GYPB: variants seen among roughly 807,000 people sequenced by gnomAD.
GYPB encodes the protein glycophorin B (MNS blood group).
A neutral mutation model predicts 15.3 loss-of-function variants in GYPB; 13 were observed. The ratio of observed to expected loss-of-function variants is 0.85; its 90% CI spans 0.55 to 1.35. GYPB has a LOEUF of 1.35. Among genes scored for constraint, GYPB ranks in the 40% most tolerant of loss-of-function variants. The pLI, the probability that GYPB is intolerant of heterozygous loss-of-function variation, is 0.00. For missense variants in GYPB, 131 were observed against 108.3 expected (o/e 1.21, Z -0.93); for synonymous variants, 38 against 36.9 (o/e 1.03, Z -0.11).
intron 1 of GYPB, among the ~76,000 whole-genome samples, chr4:144,013,723 A>T (rs1318014178): frequency 1.4e-5 from 2 of 143,520 alleles, no homozygotes; most frequent in Non-Finnish European, 3.0e-5. Context: ...GAACAATGAG[A>T]TCACATGGAC....
chr4:144,002,704 A>C (rs576595771), intron 1 of GYPB: 4 of 1,286,428 alleles, frequency 3.1e-6, no homozygotes, highest in East Asian at 1.1e-4. Flanking sequence ...CCTGGAGAGC[A>C]CACAAATAAC....
intron 1 of GYPB, among the ~76,000 whole-genome samples, chr4:144,011,465 A>G (rs1343424793): frequency 3.3e-5 from 5 of 151,228 alleles, no homozygotes; most frequent in African/African-American, 1.2e-4. Context: ...AAAAGACATT[A>G]CAAACAGTGA....
At chr4:143,998,473 C>T (rs1560703804) in intron 3 of GYPB, among the ~76,000 whole-genome samples, 1 of 150,216 alleles carries the variant, frequency 6.7e-6, no homozygotes, top group Non-Finnish European at 1.5e-5. Flanking sequence ...TTCTTGACCA[C>T]TTAGCTTGAA....
At chr4:144,002,606 A>G in intron 1 of GYPB, 1 of 1,287,136 alleles carries the variant, frequency 7.8e-7, no homozygotes, top group South Asian at 1.2e-5. Context: ...AAATGAGGGG[A>G]ATGGCACCCA....
intron 1 of GYPB, among the ~76,000 whole-genome samples, chr4:144,001,520 A>G (rs1327945104): frequency 6.6e-6 from 1 of 151,466 alleles, no homozygotes; most frequent in Non-Finnish European, 1.5e-5. Context: ...AGAGGTTTAC[A>G]GATAAAGTGT....
intron 1 of GYPB, among the ~76,000 whole-genome samples, chr4:144,017,772 A>C (rs1364879250): frequency 1.3e-5 from 2 of 151,466 alleles, no homozygotes; most frequent in Non-Finnish European, 2.9e-5. Flanking sequence ...CCATGGAGCA[A>C]CACAAAGAAT....
In GYPB at chr4:144,002,488, C is replaced by G. The variant is rs1727676841; in HGVS notation, c.38-1205G>C. On this transcript the variant is annotated intron_variant, in intron 1 of 4. Transcript: ENST00000502664. Reference sequence around the variant, plus strand: ...GTGGTTTATATTTCAGTCTCCTATTCTGTGCATTCATGTGTTTTTCACTCT... The same window carrying G: ...GTGGTTTATATTTCAGTCTCCTATTGTGTGCATTCATGTGTTTTTCACTCT... 8.6e-6 allele frequency: 6 copies of G among 695,984 alleles called. 1 individual carries two copies. The South Asian group carries it at 9.4e-5, about 11-fold the overall frequency. The allele number at this position is 695,984 out of a possible 1,614,324, so 43.1% of individuals were successfully genotyped here.
chr4:144,004,988 C>A (rs1727825053), intron 1 of GYPB, among the ~76,000 whole-genome samples: 1 of 151,906 alleles, frequency 6.6e-6, no homozygotes, highest in Admixed American at 6.5e-5. Flanking sequence ...TGCTTAGGGA[C>A]TGGATTAAGG....
chr4:144,009,597 CTTTCTT>C (rs1728104889), intron 1 of GYPB, among the ~76,000 whole-genome samples: 3 of 52,818 alleles, frequency 5.7e-5, no homozygotes, highest in African/African-American at 2.1e-4. Flanking sequence ...GATTTTTTTT[CTTTCTT>C]TTTTTTTTTT....
chr4:144,010,290 C>A (rs1728151611), intron 1 of GYPB, among the ~76,000 whole-genome samples: 1 of 151,020 alleles, frequency 6.6e-6, no homozygotes, highest in Admixed American at 6.6e-5. Flanking sequence ...ATAGCAAGAC[C>A]CCATATTTAC....
chr4:144,000,028 A>G (rs1305815129), intron 2 of GYPB: 6 of 188,272 alleles, frequency 3.2e-5, no homozygotes, highest in South Asian at 1.2e-4. Flanking sequence ...TCCACATCCT[A>G]CTTTTGTCTC....
intron 1 of GYPB, among the ~76,000 whole-genome samples, chr4:144,018,804 G>A (rs997039539): frequency 1.3e-5 from 2 of 150,416 alleles, no homozygotes; most frequent in Non-Finnish European, 2.9e-5. Context: ...CGGTTTCAGT[G>A]TTCATCCTTT....
chr4:144,006,786 G>GAT (rs1727939244), intron 1 of GYPB, among the ~76,000 whole-genome samples: 1 of 151,734 alleles, frequency 6.6e-6, no homozygotes, highest in African/African-American at 2.4e-5. Flanking sequence ...ACATTGCAAT[G>GAT]ACCATGAAAA....
At chr4:144,005,618 A>G (rs1461290028) in intron 1 of GYPB, among the ~76,000 whole-genome samples, 3 of 151,480 alleles carry the variant, frequency 2.0e-5, no homozygotes, top group Admixed American at 6.5e-5. Flanking sequence ...ACCCCTTCAC[A>G]TCTTCTGGCA....
At chr4:144,001,979 A>AAC (rs1553941991) in intron 1 of GYPB, among the ~76,000 whole-genome samples, 5 of 149,244 alleles carry the variant, frequency 3.4e-5, no homozygotes, top group Non-Finnish European at 7.4e-5. Context: ...AAAAAAAAAA[A>AAC]AAAAAAAAAA....
intron 1 of GYPB, among the ~76,000 whole-genome samples, chr4:144,010,211 C>A (rs1265864600): frequency 1.3e-5 from 2 of 151,286 alleles, no homozygotes; most frequent in East Asian, 1.9e-4. Flanking sequence ...TGCCTGTAAA[C>A]CCAGTGCTTT....
chr4:144,010,636 T>A (rs1206093926), intron 1 of GYPB, among the ~76,000 whole-genome samples: 2 of 151,356 alleles, frequency 1.3e-5, no homozygotes, highest in South Asian at 2.1e-4. Context: ...CTTGATTATG[T>A]TTTGAGCCTG....
chr4:144,015,508 TG>T lies in GYPB; in HGVS notation c.37+3742del, dbSNP rs1252540620. On this transcript the variant is annotated intron_variant, in intron 1 of 4. Coordinates refer to ENST00000502664, the MANE Select transcript of GYPB (RefSeq NM_002100.6). ...CAAAATATAATCTATAAAGATAACT[TG>T]GGGGAAATTCCCCAAAAGTATACTT... Among the ~76,000 whole-genome samples the T allele has an allele frequency of 8.6e-5, 13 of 151,534 alleles. No individual in the cohort carries two copies. In the East Asian group the frequency reaches 9.7e-4, roughly 11 times the overall value.
intron 2 of GYPB, among the ~76,000 whole-genome samples, chr4:143,999,671 G>A (rs778140773): frequency 6.6e-6 from 1 of 151,376 alleles, no homozygotes; most frequent in Non-Finnish European, 1.5e-5. Context: ...ACGTATTCAT[G>A]GATGAGAAAT....
Sources: gnomAD v4.1 joint callset for allele counts (sites outside exome capture counted in the v4.1 genomes callset) on GRCh38, gnomAD v4.1.1 for gene constraint, MANE v1.5 for transcripts, NCBI Gene and HGNC (gene_info 2026-07-23, HGNC 2026-07-21) for gene names.